The following VRK3 variants were observed in gnomAD, a reference collection of about 807,000 sequenced individuals.
VRK3 encodes the protein VRK serine/threonine kinase 3.
VRK3 carries 50 observed loss-of-function variants against 60.4 expected under a neutral mutation model. The ratio of observed to expected loss-of-function variants is 0.83; its 90% CI spans 0.66 to 1.05. VRK3 has a LOEUF of 1.05. Ranked by LOEUF, VRK3 falls within the 50% of genes least tolerant of loss-of-function variation. VRK3 has a pLI of 0.00. For synonymous variants in VRK3, 246 were observed against 227.8 expected (o/e 1.08, Z -0.72); for missense variants, 549 against 585.3 (o/e 0.94, Z 0.64).
chr19:50,009,610 C>CT (rs2076961052), intron 3 of VRK3, among the ~76,000 whole-genome samples: 1 of 152,168 alleles, frequency 6.6e-6, no homozygotes, highest in African/African-American at 2.4e-5. Context: ...CTTTGCCACT[C>CT]TGTGTCCTTT....
At chr19:50,021,996 A>AT (rs1387069855) in intron 1 of VRK3, among the ~76,000 whole-genome samples, 1 of 151,960 alleles carries the variant, frequency 6.6e-6, no homozygotes, top group Admixed American at 6.6e-5. Context: ...CAGACACATG[A>AT]TTTTGTTTAA....
intron 1 of VRK3, among the ~76,000 whole-genome samples, chr19:50,023,593 G>C (rs1312553480): frequency 6.6e-6 from 1 of 152,254 alleles, no homozygotes; most frequent in Non-Finnish European, 1.5e-5. Flanking sequence ...TAAGCTTCAT[G>C]ATGGCGGGGA....
At chr19:50,013,964 T>C (rs907617408) in intron 3 of VRK3, among the ~76,000 whole-genome samples, 5 of 152,006 alleles carry the variant, frequency 3.3e-5, no homozygotes, top group Non-Finnish European at 1.5e-5. Flanking sequence ...AAGTAACAAT[T>C]GAATAAATAT....
chr19:50,016,672 A>G (rs972343382), intron 2 of VRK3, among the ~76,000 whole-genome samples: 2 of 152,256 alleles, frequency 1.3e-5, no homozygotes, highest in Admixed American at 1.3e-4. Context: ...CTAATTTAGT[A>G]GAATGATGAG....
In VRK3 at chr19:49,995,186, C is replaced by T. The variant is rs938368682; in HGVS notation, c.764+5G>A. The T allele has an allele frequency of 6.2e-7, 1 of 1,613,852 alleles. No individual in the cohort carries two copies. Among genetic ancestry groups the T allele is most frequent in the African/African-American group, 1.3e-5 (1 of 74,928 alleles). On this transcript the variant is annotated splice_donor_5th_base_variant and intron_variant, in intron 8 of 14. Coordinates refer to ENST00000316763, the MANE Select transcript of VRK3 (RefSeq NM_016440.4). Reference sequence around the variant, plus strand: ...GTGAGGCAAGCAGTGAGCAGAGCAGCTCACCTGTATTTGTCCTGGTGAACA... The same window carrying T: ...GTGAGGCAAGCAGTGAGCAGAGCAGTTCACCTGTATTTGTCCTGGTGAACA...
intron 5 of VRK3, 136 bp downstream of exon 5, chr19:50,007,433 G>A: frequency 2.2e-6 from 3 of 1,345,366 alleles, no homozygotes; most frequent in Admixed American, 3.9e-5. Flanking sequence ...AGAGTCCAAG[G>A]TCTAAGAGAA....
intron 10 of VRK3, among the ~76,000 whole-genome samples, chr19:49,992,270 A>G (rs7253014): frequency 0.053 from 7,997 of 152,270 alleles, 694 homozygotes; most frequent in African/African-American, 0.18. Context: ...AGCTAGGCGT[A>G]GTGGCGCATG....
At chr19:49,979,611 A>C (rs929638318) in intron 13 of VRK3, among the ~76,000 whole-genome samples, 3 of 152,184 alleles carry the variant, frequency 2.0e-5, no homozygotes, top group African/African-American at 7.2e-5. Flanking sequence ...ATGTATCTTT[A>C]AAGAGGGCGG....
At chr19:49,988,864 G>C (rs533736115) in intron 11 of VRK3, among the ~76,000 whole-genome samples, 2 of 152,162 alleles carry the variant, frequency 1.3e-5, no homozygotes, top group Admixed American at 1.3e-4. Flanking sequence ...CAGCTATAGC[G>C]TGCGACTACC....
chr19:49,996,232 A>G (rs1467134807), intron 7 of VRK3, among the ~76,000 whole-genome samples: 2 of 146,360 alleles, frequency 1.4e-5, no homozygotes, highest in Admixed American at 6.7e-5. Flanking sequence ...TTTTTTTTGT[A>G]TTTTCAATAG....
chr19:49,984,487 G>A (rs1461750582), intron 12 of VRK3, among the ~76,000 whole-genome samples: 1 of 152,162 alleles, frequency 6.6e-6, no homozygotes, highest in Non-Finnish European at 1.5e-5. Context: ...ACCCTCACCT[G>A]CAGCTCCTGC....
intron 12 of VRK3, among the ~76,000 whole-genome samples, chr19:49,984,175 G>C (rs12165126): frequency 0.048 from 7,259 of 152,138 alleles, 570 homozygotes; most frequent in African/African-American, 0.17. Flanking sequence ...AGACTCAACC[G>C]AGGGGAGCCT....
chr19:50,022,700 G>A (rs967905206), intron 1 of VRK3, among the ~76,000 whole-genome samples: 13 of 152,044 alleles, frequency 8.6e-5, no homozygotes, highest in Admixed American at 2.6e-4. Context: ...AGGCTGAGGC[G>A]CAAGAGTCGC....
At chr19:50,000,949 G>T in intron 5 of VRK3, 95 bp from the exon 6 acceptor site, 1 of 1,233,172 alleles carries the variant, frequency 8.1e-7, no homozygotes, top group Non-Finnish European at 1.1e-6. Flanking sequence ...CGGCTCTGGT[G>T]CCCTGGTTCC....
chr19:50,013,751 C>A (rs1189504348), intron 3 of VRK3, among the ~76,000 whole-genome samples: 6 of 152,184 alleles, frequency 3.9e-5, no homozygotes, highest in Admixed American at 2.0e-4. Flanking sequence ...GGTTACAAAA[C>A]CACAATCAAC....
chr19:49,979,181 G>A lies in VRK3; in HGVS notation c.1338C>T (p.Tyr446=), dbSNP rs745340857. 1.1e-5 allele frequency: 17 copies of A among 1,613,990 alleles called. No individual in the cohort carries two copies. Among genetic ancestry groups the A allele is most frequent in the South Asian group, 3.3e-5 (3 of 91,082 alleles). Residue 446 remains tyrosine, a synonymous_variant, in exon 14 of 15, where the codon TAC becomes TAT. Transcript: ENST00000316763. ...MALTYEEKPP[Y]AMLRNNLEAL... is the part of the protein sequence containing the mutation. ...CTTCTAGGTTGTTCCTCAGCATGGC[G>A]TAGGGCGGCTTCTCCTCATACGTGA...
At chr19:50,023,693 T>A (rs1258591881) in intron 1 of VRK3, among the ~76,000 whole-genome samples, 1 of 150,902 alleles carries the variant, frequency 6.6e-6, no homozygotes, top group East Asian at 2.0e-4. Context: ...GCTGAGTGAA[T>A]AAATCATTGT....
intron 12 of VRK3, chr19:49,981,793 GACAC>G (rs150610662): frequency 2.5e-4 from 257 of 1,020,470 alleles, no homozygotes; most frequent in East Asian, 1.3e-3. Flanking sequence ...CACACACACA[GACAC>G]ACACACACAC....
intron 10 of VRK3, 29 bp from the exon 11 acceptor site, chr19:49,989,800 TTGGA>T: frequency 6.3e-7 from 1 of 1,582,548 alleles, no homozygotes; most frequent in Non-Finnish European, 8.6e-7. Context: ...GCCATACAGA[TTGGA>T]GGTTAGGAGC....
Sources: allele counts gnomAD v4.1 joint callset (sites outside exome capture counted in the v4.1 genomes callset), GRCh38; gene constraint gnomAD v4.1.1; transcripts MANE v1.5; gene names NCBI Gene and HGNC (gene_info 2026-07-23, HGNC 2026-07-21).